Variants in SLC4A4 observed in about 807,000 individuals in gnomAD.
SLC4A4 encodes electrogenic sodium bicarbonate cotransporter 1.
SLC4A4 carries 27 observed loss-of-function variants against 111.5 expected under a neutral mutation model. That is an observed-to-expected ratio of 0.24 (90% CI 0.18 to 0.33). The LOEUF is 0.33. Among genes scored for constraint, SLC4A4 ranks in the 10% least tolerant of loss-of-function variants. The pLI is 1.00. For missense variants in SLC4A4, 909 were observed against 1,315.5 expected (o/e 0.69, Z 4.78); for synonymous variants, 443 against 463.4 (o/e 0.96, Z 0.57).
At chr4:71,094,379 CT>C (rs1447349205) in intron 2 of SLC4A4, among the ~76,000 whole-genome samples, 1 of 152,170 alleles carries the variant, frequency 6.6e-6, no homozygotes, top group Non-Finnish European at 1.5e-5. Context: ...TGTACAGATC[CT>C]TTTCCAAATA....
At chr4:71,533,340 G>A (rs1734112344) in intron 17 of SLC4A4, among the ~76,000 whole-genome samples, 1 of 152,060 alleles carries the variant, frequency 6.6e-6, no homozygotes, top group South Asian at 2.1e-4. Flanking sequence ...GCTCACATCT[G>A]CTAATTGTAG....
chr4:71,266,641 C>G (rs978972754), intron 3 of SLC4A4, among the ~76,000 whole-genome samples: 3 of 151,952 alleles, frequency 2.0e-5, no homozygotes, highest in African/African-American at 7.3e-5. Context: ...GCCAGAAAGC[C>G]AAATGAATGC....
rs375616637 is a variant in SLC4A4 at position 71,332,684 on chromosome 4, G to C, written c.254-6686G>C. Among the ~76,000 whole-genome samples the C allele has an allele frequency of 5.3e-5, 8 of 151,974 alleles. No individual in the cohort carries two copies. In the South Asian group the frequency reaches 1.5e-3, roughly 28 times the overall value. ...CCTGACCTCGTGATCCGCCCGCCTC[G>C]GCCTCCCAAAGTGCTGGGATTACAG... On this transcript the variant is annotated intron_variant, in intron 3 of 25. Transcript: ENST00000264485.
In SLC4A4 at chr4:71,143,726, T is replaced by G. The variant is rs559013785; in HGVS notation, c.-2+50934T>G. 3.9e-5 allele frequency among the ~76,000 whole-genome samples: 6 copies of G among 152,392 alleles called. No homozygotes were observed. In the South Asian group the frequency reaches 1.0e-3, roughly 26 times the overall value. The stretch of plus-strand genomic sequence containing the variant: ...GATGATAGCATTTTACTGTGTCTTT[T>G]GGCTGCATAAATGTCTTCTTTTGAG... On this transcript the variant is annotated intron_variant, in intron 2 of 26. Coordinates refer to the SLC4A4 transcript ENST00000649996.
intron 2 of SLC4A4, among the ~76,000 whole-genome samples, chr4:71,097,617 T>C (rs894723508): frequency 6.6e-6 from 1 of 152,198 alleles, no homozygotes; most frequent in African/African-American, 2.4e-5. Flanking sequence ...TCCACAATGG[T>C]TGAACTAATT....
At chr4:71,383,081 A>G (rs1578971626) in intron 6 of SLC4A4, among the ~76,000 whole-genome samples, 2 of 152,274 alleles carry the variant, frequency 1.3e-5, no homozygotes, top group East Asian at 3.9e-4. Flanking sequence ...ATGGTGATTC[A>G]TATATTTTAC....
intron 12 of SLC4A4, among the ~76,000 whole-genome samples, chr4:71,456,636 T>A (rs982657256): frequency 6.6e-6 from 1 of 152,170 alleles, no homozygotes; most frequent in Non-Finnish European, 1.5e-5. Context: ...TGCAAATATT[T>A]ATGGAGTGTC....
chr4:71,088,379 T>C lies in SLC4A4; in HGVS notation c.-64-4351T>C, dbSNP rs1203273959. On this transcript the variant is annotated intron_variant, in intron 1 of 26. Transcript: ENST00000649996. Reference sequence around the variant, plus strand: ...ATCCAATTTGCCAGTCTGTGTCTTTTAATTGGAGCATTTAGCCCATTTACA... The same window carrying C: ...ATCCAATTTGCCAGTCTGTGTCTTTCAATTGGAGCATTTAGCCCATTTACA... Among the ~76,000 whole-genome samples, 3 of 152,062 alleles carry C rather than the reference T, an allele frequency of 2.0e-5. No homozygotes were observed. The East Asian group carries it at 5.8e-4, about 29-fold the overall frequency.
chr4:71,451,126 C>T lies in SLC4A4; in HGVS notation c.1209-62C>T, dbSNP rs921688543. The T allele has an allele frequency of 4.6e-6, 5 of 1,076,182 alleles. No homozygotes were observed. The African/African-American group carries it at 7.7e-5, about 17-fold the overall frequency. The allele number at this position is 1,076,182 out of a possible 1,614,324, so 66.7% of individuals were successfully genotyped here. A position where few individuals can be genotyped will look rare whatever the true frequency, so the allele number is the denominator to read the frequency against. ...TCTCCCCATTAGCCAGAGCATGATA[C>T]AGCTAAGAAGCGAATGAATAAAATA... is the stretch of plus-strand genomic sequence containing the variant. On this transcript the variant is annotated intron_variant, in intron 10 of 25. Coordinates refer to ENST00000264485, the MANE Select transcript of SLC4A4 (RefSeq NM_001098484.3).
intron 6 of SLC4A4, among the ~76,000 whole-genome samples, chr4:71,385,023 TATA>T (rs1401861740): frequency 4.0e-5 from 6 of 151,196 alleles, no homozygotes; most frequent in Non-Finnish European, 8.8e-5. Flanking sequence ...AACTTAAAAG[TATA>T]ATAATAAAAA....
chr4:71,490,005 T>C (rs183950440), intron 15 of SLC4A4, among the ~76,000 whole-genome samples: 1 of 151,966 alleles, frequency 6.6e-6, no homozygotes, highest in African/African-American at 2.4e-5. Context: ...GATAACTATG[T>C]CTCAAGATAA....
rs562032224 is a variant in SLC4A4 at position 71,259,848 on chromosome 4, G to A, written c.253+4449G>A. On this transcript the variant is annotated intron_variant, in intron 3 of 25. Transcript: ENST00000264485. ...TTGTGACTGTAGAGATCCTGAAGAT[G>A]TGTAAGATGGTAGGAAACAAAGCTA... Among the ~76,000 whole-genome samples the A allele has an allele frequency of 1.0e-3, 159 of 152,310 alleles. 2 individuals are homozygous for A. Among genetic ancestry groups the A allele is most frequent in the African/African-American group, 3.8e-3 (156 of 41,572 alleles).
intron 20 of SLC4A4, among the ~76,000 whole-genome samples, chr4:71,551,350 T>C (rs1448245024): frequency 6.6e-6 from 1 of 151,914 alleles, no homozygotes; most frequent in African/African-American, 2.4e-5. Context: ...TTCTACAATA[T>C]GCCACAATAT....
intron 16 of SLC4A4, among the ~76,000 whole-genome samples, chr4:71,519,439 G>A (rs1197631618): frequency 6.6e-6 from 1 of 152,124 alleles, no homozygotes. Context: ...TTTAAAGAAA[G>A]TTCTCAGCAT....
At chr4:71,488,888 A>ATGTGTG (rs66801188) in intron 15 of SLC4A4, among the ~76,000 whole-genome samples, 7,446 of 140,574 alleles carry the variant, frequency 0.053, 277 homozygotes, top group African/African-American at 0.11. Context: ...AGAAGAAAAA[A>ATGTGTG]TGTGTGTGTG....
chr4:71,170,828 CAG>C (rs986526872), intron 2 of SLC4A4, among the ~76,000 whole-genome samples: 10 of 152,060 alleles, frequency 6.6e-5, no homozygotes, highest in Non-Finnish European at 1.5e-4. Context: ...CTGAACTAAT[CAG>C]AGAATATTGA....
At chr4:71,555,435 TA>T (rs1736387644) in intron 21 of SLC4A4, among the ~76,000 whole-genome samples, 1 of 151,974 alleles carries the variant, frequency 6.6e-6, no homozygotes, top group Admixed American at 6.6e-5. Context: ...AATAGGCTGT[TA>T]AAAGTCATTT....
At chr4:71,370,077 C>T (rs1731721285) in intron 6 of SLC4A4, among the ~76,000 whole-genome samples, 1 of 152,022 alleles carries the variant, frequency 6.6e-6, no homozygotes, top group Admixed American at 6.5e-5. Flanking sequence ...AATAATTTTC[C>T]TTGAATAATA....
intron 1 of SLC4A4, among the ~76,000 whole-genome samples, chr4:71,086,801 G>T (rs887494559): frequency 4.6e-5 from 7 of 152,016 alleles, no homozygotes; most frequent in African/African-American, 1.2e-4. Flanking sequence ...GCTGGATTCG[G>T]TTTGCCAGTA....
Sources: allele counts gnomAD v4.1 joint callset (sites outside exome capture counted in the v4.1 genomes callset), GRCh38; gene constraint gnomAD v4.1.1; transcripts MANE v1.5; gene names NCBI Gene and HGNC (gene_info 2026-07-23, HGNC 2026-07-21).